The following PLA1A variants were observed in gnomAD, a reference collection of about 807,000 sequenced individuals.
The protein encoded by PLA1A is phosphatidylserine-specific phospholipase A1alpha.
A neutral mutation model predicts 49.4 loss-of-function variants in PLA1A; 47 were observed. The observed-to-expected ratio is 0.95, with a 90% CI of 0.75 to 1.21. PLA1A has a LOEUF of 1.21. Ranked by LOEUF, PLA1A falls within the 50% of genes most tolerant of loss-of-function variation. The probability of loss-of-function intolerance (pLI) is 0.00; values close to 1 mark genes in which losing one functional copy is unlikely to be tolerated. For synonymous variants in PLA1A, 224 were observed against 207.9 expected (o/e 1.08, Z -0.67); for missense variants, 561 against 563.9 (o/e 0.99, Z 0.05).
rs111632799 is a variant in PLA1A, at chr3:119,617,678, G to A, written c.755-341G>A. The stretch of plus-strand genomic sequence containing the variant: ...AAATTGCTTAAACCCAGGAGGCAGA[G>A]GTTGCAGTGGCCCAAGATCATGCCA... On this transcript the variant is annotated intron_variant, in intron 6 of 10. Coordinates refer to ENST00000273371, the MANE Select transcript of PLA1A (RefSeq NM_015900.4). 2.1e-3 allele frequency among the ~76,000 whole-genome samples: 324 copies of A among 151,882 alleles called. 1 individual carries two copies. Among genetic ancestry groups the A allele is most frequent in the African/African-American group, 7.5e-3 (309 of 41,408 alleles).
chr3:119,599,219 G>A (rs2082581723), intron 1 of PLA1A, among the ~76,000 whole-genome samples: 1 of 152,202 alleles, frequency 6.6e-6, no homozygotes, highest in Non-Finnish European at 1.5e-5. Flanking sequence ...TTACCAGATA[G>A]GAATGCTGTA....
rs779039571 is a variant in PLA1A, at chr3:119,619,628, A to T, written c.988A>T (p.Thr330Ser). The change falls in exon 8 of 11, where the codon ACT (threonine) becomes TCT (serine). Residue 330 changes from threonine to serine, a missense_variant. Coordinates refer to ENST00000273371, the MANE Select transcript of PLA1A (RefSeq NM_015900.4). The stretch of plus-strand genomic sequence containing the variant: ...CAAGGAAGTGAAAGTCTACCTCCTG[A>T]CTACTTCCAGTGCTCCGTACTGCAG... ...LPKEVKVYLL[T>S]TSSAPYCMHH... 6.2e-7 allele frequency: 1 copy of T among 1,612,512 alleles called. No individual in the cohort carries two copies.
rs755065035 is a variant in PLA1A, at chr3:119,606,807, C to A, written c.107C>A (p.Ala36Asp). ...CCTCCTACCCCACAGCCAAAGTGCGCTGACTTCCAGAGCGCCAACCTTTTT... is the reference window on the plus strand; with the variant it reads ...CCTCCTACCCCACAGCCAAAGTGCGATGACTTCCAGAGCGCCAACCTTTTT... The part of the protein sequence containing the change: ...DAPPTPQPKC[A>D]DFQSANLFEG... The change falls in exon 2 of 11, where the codon GCT becomes GAT. Residue 36 changes from alanine (A) to aspartate (D), a missense_variant. Transcript: ENST00000273371. The A allele has an allele frequency of 6.2e-7, 1 of 1,614,202 alleles. No individual in the cohort carries two copies. The highest frequency in any genetic ancestry group is 8.5e-7 in the Non-Finnish European group (1 of 1,180,032).
At position 119,597,958 on chromosome 3, in the gene PLA1A, C is replaced by A; in HGVS notation, c.45C>A (p.Leu15=). 1 of 1,610,192 alleles carries A rather than the reference C, an allele frequency of 6.2e-7. No homozygotes were observed. The change falls in exon 1 of 11, where the codon CTC becomes CTA. Residue 15 remains leucine, a synonymous_variant. Coordinates refer to ENST00000273371, the MANE Select transcript of PLA1A (RefSeq NM_015900.4). ...PWESCFWVGG[L]ILWLSVGSSG... ...AGAGCTGCTTCTGGGTGGGGGGCCT[C>A]ATTTTGTGGCTCAGCGTTGGAAGTT...
chr3:119,620,393 G>A (rs538359348), intron 8 of PLA1A, among the ~76,000 whole-genome samples: 1 of 152,170 alleles, frequency 6.6e-6, no homozygotes, highest in East Asian at 1.9e-4. Context: ...GTCAGTGCAG[G>A]GATCTTTGTG....
At chr3:119,607,454 C>A (rs1015499426) in intron 2 of PLA1A, among the ~76,000 whole-genome samples, 2 of 152,220 alleles carry the variant, frequency 1.3e-5, no homozygotes, top group African/African-American at 4.8e-5. Context: ...ATTCCAATCA[C>A]CATCCTTTCT....
chr3:119,619,211 C>A lies in PLA1A; in HGVS notation c.923-352C>A, dbSNP rs1391358183. ...CCACTAGTCTTCAGGTCAAACACTT[C>A]CTGCTTCACCATGCTCCCACTGCAC... On this transcript the variant is annotated intron_variant, in intron 7 of 10. Transcript: ENST00000273371. Among the ~76,000 whole-genome samples, 3 of 152,230 alleles carry A rather than the reference C, an allele frequency of 2.0e-5. No homozygotes were observed. In the South Asian group the frequency reaches 6.2e-4, roughly 31 times the overall value.
intron 8 of PLA1A, 71 bp from the exon 9 acceptor site, chr3:119,625,053 T>G: frequency 1.1e-6 from 1 of 887,690 alleles, no homozygotes; most frequent in Non-Finnish European, 1.9e-6. Context: ...ACCACACTGC[T>G]GCTCTCTGGG....
chr3:119,608,242 GAGAAA>G (rs2082717226), intron 2 of PLA1A, among the ~76,000 whole-genome samples: 2 of 123,730 alleles, frequency 1.6e-5, no homozygotes, highest in African/African-American at 6.2e-5. Flanking sequence ...GAAAGAAAGA[GAGAAA>G]GAAAGAAAGA....
chr3:119,599,984 G>T (rs1222078944), intron 1 of PLA1A, among the ~76,000 whole-genome samples: 1 of 152,158 alleles, frequency 6.6e-6, no homozygotes, highest in Non-Finnish European at 1.5e-5. Context: ...GTGTGTGTGT[G>T]TGTGTGGCTG....
At chr3:119,607,655 C>G (rs1267756133) in intron 2 of PLA1A, among the ~76,000 whole-genome samples, 2 of 152,232 alleles carry the variant, frequency 1.3e-5, no homozygotes, top group African/African-American at 4.8e-5. Flanking sequence ...CTGTCTCCGC[C>G]TCTCAGGTCC....
At chr3:119,613,611 G>A (rs535619171) in intron 5 of PLA1A, among the ~76,000 whole-genome samples, 2 of 152,170 alleles carry the variant, frequency 1.3e-5, no homozygotes, top group African/African-American at 2.4e-5. Context: ...TCTCTCTTCC[G>A]GGCCGGGCAC....
intron 5 of PLA1A, among the ~76,000 whole-genome samples, chr3:119,614,198 A>G (rs1390190588): frequency 6.6e-6 from 1 of 152,250 alleles, no homozygotes; most frequent in Non-Finnish European, 1.5e-5. Flanking sequence ...TGAAAGAAAC[A>G]CATGCAGTTG....
intron 5 of PLA1A, among the ~76,000 whole-genome samples, chr3:119,615,564 A>G (rs1284722245): frequency 6.6e-6 from 1 of 152,120 alleles, no homozygotes; most frequent in African/African-American, 2.4e-5. Flanking sequence ...ATCCCTTTAG[A>G]AAACTGGGAG....
intron 9 of PLA1A, among the ~76,000 whole-genome samples, chr3:119,626,838 C>A (rs2052544836): frequency 6.6e-6 from 1 of 152,168 alleles, no homozygotes; most frequent in Admixed American, 6.5e-5. Context: ...CAGGTGCCCA[C>A]AGAGCCTTGC....
chr3:119,614,605 C>CAAAAA (rs57980425), intron 5 of PLA1A, among the ~76,000 whole-genome samples: 8 of 67,994 alleles, frequency 1.2e-4, no homozygotes, highest in African/African-American at 2.8e-4. Flanking sequence ...GACTTCGTCT[C>CAAAAA]AAAAAAAAAA....
intron 3 of PLA1A, 89 bp from the exon 4 acceptor site, chr3:119,609,379 C>T (rs1005640084): frequency 9.5e-6 from 8 of 842,150 alleles, no homozygotes; most frequent in East Asian, 2.4e-5. Context: ...CCCAGGGCCT[C>T]GGCTTCTGAA....
chr3:119,601,069 C>T (rs183512039), intron 1 of PLA1A, among the ~76,000 whole-genome samples: 1 of 152,378 alleles, frequency 6.6e-6, no homozygotes, highest in East Asian at 1.9e-4. Flanking sequence ...CCGATGGCTC[C>T]TCTGTCATCT....
rs376767801 is a variant in PLA1A, at chr3:119,609,502, T to C, written c.488T>C (p.Ile163Thr). 1.2e-6 allele frequency: 2 copies of C among 1,613,032 alleles called. No individual in the cohort carries two copies. Among genetic ancestry groups the C allele is most frequent in the Non-Finnish European group, 1.7e-6 (2 of 1,179,062 alleles). ...LGVSESSIHIIGVSLGAHVGG... is the reference protein window; with the variant it reads ...LGVSESSIHITGVSLGAHVGG... ...GTGTCGGAATCCTCAATCCACATCA[T>C]TGGTGTTAGCCTGGGGGCCCACGTT... The change falls in exon 4 of 11, where the codon ATT becomes ACT. Residue 163 changes from isoleucine (I) to threonine (T), a missense_variant. By Grantham distance (89) the Ile-to-Thr change is moderately conservative (BLOSUM62 -1). Coordinates refer to ENST00000273371, the MANE Select transcript of PLA1A (RefSeq NM_015900.4).
Sources: gnomAD v4.1 joint callset for allele counts (sites outside exome capture counted in the v4.1 genomes callset) on GRCh38, gnomAD v4.1.1 for gene constraint, MANE v1.5 for transcripts, NCBI Gene and HGNC (gene_info 2026-07-23, HGNC 2026-07-21) for gene names.